The following DGKI variants were observed in gnomAD, a reference collection of about 807,000 sequenced individuals.
DGKI encodes the protein diacylglycerol kinase iota, also known as DAG kinase iota.
DGKI carries 55 observed loss-of-function variants against 147.5 expected under a neutral mutation model. That is an observed-to-expected ratio of 0.37 (90% CI 0.30 to 0.47). The LOEUF is 0.47. Ranked by LOEUF, DGKI falls within the 20% of genes least tolerant of loss-of-function variation. DGKI has a pLI of 1.00. For missense variants in DGKI, 1,007 were observed against 1,323.8 expected (o/e 0.76, Z 3.71); for synonymous variants, 469 against 477.1 (o/e 0.98, Z 0.22).
chr7:137,416,747 G>C (rs1274140739), intron 28 of DGKI, among the ~76,000 whole-genome samples: 1 of 152,094 alleles, frequency 6.6e-6, no homozygotes, highest in Non-Finnish European at 1.5e-5. Context: ...CTTTCAGCTT[G>C]TACCCCATAT....
intron 6 of DGKI, among the ~76,000 whole-genome samples, chr7:137,644,370 C>T (rs1392337865): frequency 6.6e-6 from 1 of 152,238 alleles, no homozygotes; most frequent in East Asian, 1.9e-4. Flanking sequence ...GCCCTGGAGG[C>T]TAAGGTGTGT....
chr7:137,487,573 A>C, intron 22 of DGKI, 37 bp downstream of exon 22: 1 of 1,551,438 alleles, frequency 6.4e-7, no homozygotes, highest in Non-Finnish European at 8.9e-7. Flanking sequence ...AAAAATGGAA[A>C]GTTGAGGAGA....
At chr7:137,531,513 C>T (rs1028290641) in intron 20 of DGKI, among the ~76,000 whole-genome samples, 2 of 152,094 alleles carry the variant, frequency 1.3e-5, no homozygotes, top group Non-Finnish European at 2.9e-5. Flanking sequence ...GAGCAAGGAG[C>T]AGTTGGGCTT....
At chr7:137,632,623 C>G (rs1221799037) in intron 6 of DGKI, among the ~76,000 whole-genome samples, 2 of 152,116 alleles carry the variant, frequency 1.3e-5, no homozygotes, top group Non-Finnish European at 2.9e-5. Context: ...TTTTGGGAGG[C>G]CAAGGCGGGC....
intron 1 of DGKI, among the ~76,000 whole-genome samples, chr7:137,794,113 C>T (rs563959885): frequency 6.6e-6 from 1 of 152,250 alleles, no homozygotes; most frequent in South Asian, 2.1e-4. Flanking sequence ...TAATGCATGT[C>T]CCCAAAAATG....
intron 1 of DGKI, among the ~76,000 whole-genome samples, chr7:137,698,147 T>TAAAA: frequency 6.7e-6 from 1 of 149,492 alleles, no homozygotes; most frequent in East Asian, 2.0e-4. Context: ...TAACTCCAAA[T>TAAAA]ATATATATAT....
intron 21 of DGKI, among the ~76,000 whole-genome samples, chr7:137,500,147 C>T (rs1816120125): frequency 6.6e-6 from 1 of 152,060 alleles, no homozygotes; most frequent in South Asian, 2.1e-4. Context: ...GATATTAAGC[C>T]CTGAGAAAAT....
intron 20 of DGKI, among the ~76,000 whole-genome samples, chr7:137,544,315 C>T (rs958337894): frequency 6.6e-6 from 1 of 152,184 alleles, no homozygotes; most frequent in African/African-American, 2.4e-5. Context: ...CATGCAGCCA[C>T]TCCTTAAACT....
chr7:137,405,438 A>G (rs1241414192), intron 30 of DGKI, among the ~76,000 whole-genome samples: 2 of 152,146 alleles, frequency 1.3e-5, no homozygotes, highest in Admixed American at 1.3e-4. Flanking sequence ...GGGGTTCTTA[A>G]GACCCAGAAC....
chr7:137,529,801 G>A (rs1817278298), intron 20 of DGKI, among the ~76,000 whole-genome samples: 1 of 152,166 alleles, frequency 6.6e-6, no homozygotes, highest in Admixed American at 6.5e-5. Flanking sequence ...CCAGGCTGGA[G>A]TGCAATGGCA....
At chr7:137,700,207 A>C (rs898249699) in intron 1 of DGKI, among the ~76,000 whole-genome samples, 2 of 152,208 alleles carry the variant, frequency 1.3e-5, no homozygotes, top group South Asian at 4.1e-4. Flanking sequence ...CCTGGAAGGA[A>C]ACAGAAGTCA....
chr7:137,449,720 C>CA (rs1479691888), intron 27 of DGKI, among the ~76,000 whole-genome samples: 11 of 151,966 alleles, frequency 7.2e-5, no homozygotes, highest in African/African-American at 1.9e-4. Flanking sequence ...GAAGTTTCCT[C>CA]AAAAAACAAA....
intron 1 of DGKI, among the ~76,000 whole-genome samples, chr7:137,794,204 C>T (rs776974206): frequency 2.6e-5 from 4 of 152,190 alleles, no homozygotes; most frequent in Non-Finnish European, 5.9e-5. Flanking sequence ...CTGCATGACA[C>T]GCATTCACTT....
rs190940126 is a variant in DGKI, at chr7:137,467,653, C to A, written c.2444-711G>T. ...GAGATTGAGCTACATCTATGGTATG[C>A]GAAAAAAATCTAAATTACAAATTTT... On this transcript the variant is annotated intron_variant, in intron 24 of 32. Coordinates refer to ENST00000614521, the MANE Select transcript of DGKI (RefSeq NM_001321708.2). Among the ~76,000 whole-genome samples the A allele has an allele frequency of 3.9e-3, 599 of 151,836 alleles. 16 individuals are homozygous for A. The highest frequency in any genetic ancestry group is 1.3e-3 in the Non-Finnish European group (86 of 67,970).
intron 1 of DGKI, among the ~76,000 whole-genome samples, chr7:137,795,102 A>G (rs1167362541): frequency 1.3e-5 from 2 of 152,254 alleles, no homozygotes; most frequent in Admixed American, 6.5e-5. Context: ...GTATGAGAGC[A>G]GTTGCAAAAA....
In DGKI at chr7:137,638,632, G is replaced by GTATATATACACATACATGTA. The variant is rs1563126028; in HGVS notation, c.804+6839_804+6840insTACATGTATGTGTATATATA. Among the ~76,000 whole-genome samples, 2 of 31,472 alleles carry GTATATATACACATACATGTA rather than the reference G, an allele frequency of 6.4e-5. 1 individual carries two copies. Among genetic ancestry groups the GTATATATACACATACATGTA allele is most frequent in the African/African-American group, 4.0e-4 (2 of 4,956 alleles). The allele number at this position is 31,472 out of a possible 152,430, so 20.6% of individuals were successfully genotyped here. ...TATATACACACACACATATATATGT[G>GTATATATACACATACATGTA]TGTATATATGTGTATGTATATACAC... is the stretch of plus-strand genomic sequence containing the variant. On this transcript the variant is annotated intron_variant, in intron 6 of 32. Coordinates refer to ENST00000614521, the MANE Select transcript of DGKI (RefSeq NM_001321708.2).
intron 1 of DGKI, among the ~76,000 whole-genome samples, chr7:137,701,624 GAC>G (rs995272770): frequency 7.2e-5 from 11 of 151,876 alleles, no homozygotes; most frequent in Non-Finnish European, 1.2e-4. Flanking sequence ...ATTATTAAAG[GAC>G]AGATACAATA....
chr7:137,485,868 G>T (rs1251938656), intron 22 of DGKI, among the ~76,000 whole-genome samples: 1 of 152,092 alleles, frequency 6.6e-6, no homozygotes, highest in Admixed American at 6.6e-5. Flanking sequence ...TGTTTATACT[G>T]ATAAGTCGCT....
At chr7:137,489,408 T>C (rs1815682353) in intron 21 of DGKI, among the ~76,000 whole-genome samples, 1 of 152,112 alleles carries the variant, frequency 6.6e-6, no homozygotes, top group African/African-American at 2.4e-5. Context: ...TAATAATCAT[T>C]CTAAAAGAAT....
Sources: allele counts gnomAD v4.1 joint callset (sites outside exome capture counted in the v4.1 genomes callset), GRCh38; gene constraint gnomAD v4.1.1; transcripts MANE v1.5; gene names NCBI Gene and HGNC (gene_info 2026-07-23, HGNC 2026-07-21).